BCAS4: variants seen among roughly 807,000 people sequenced by gnomAD.
BCAS4 encodes the protein breast carcinoma-amplified sequence 4.
BCAS4 carries 9 observed loss-of-function variants against 15.7 expected under a neutral mutation model. The observed-to-expected ratio is 0.57, with a 90% CI of 0.34 to 1.00. BCAS4 has a LOEUF of 1.00. BCAS4 is among the 50% of genes least tolerant of loss of function. The pLI is 0.02. For missense variants in BCAS4, 225 were observed against 239.1 expected, an observed-to-expected ratio of 0.94 and a Z score of 0.39; for synonymous variants, 101 against 99.5, an observed-to-expected ratio of 1.02 and a Z score of -0.09.
intron 2 of BCAS4, among the ~76,000 whole-genome samples, chr20:50,829,309 C>T (rs2088315021): frequency 6.6e-6 from 1 of 152,104 alleles, no homozygotes; most frequent in African/African-American, 2.4e-5. Flanking sequence ...ATGGCTTGAT[C>T]TTGGCTCACT....
chr20:50,844,678 G>C (rs914952670), intron 4 of BCAS4, among the ~76,000 whole-genome samples: 3 of 152,144 alleles, frequency 2.0e-5, no homozygotes, highest in Non-Finnish European at 4.4e-5. Context: ...GTCACTACTG[G>C]GTTTGGAATC....
chr20:50,816,099 C>T (rs573839517), intron 1 of BCAS4, among the ~76,000 whole-genome samples: 1 of 152,338 alleles, frequency 6.6e-6, no homozygotes, highest in East Asian at 1.9e-4. Flanking sequence ...AATCTTGGCT[C>T]ACCGCAACCT....
At chr20:50,860,408 T>C (rs1979008641) in intron 4 of BCAS4, among the ~76,000 whole-genome samples, 1 of 152,152 alleles carries the variant, frequency 6.6e-6, no homozygotes, top group Non-Finnish European at 1.5e-5. Flanking sequence ...CCCTAACCCT[T>C]CCTGTCCTCC....
At chr20:50,860,618 A>G (rs8119819) in intron 4 of BCAS4, among the ~76,000 whole-genome samples, 12,097 of 152,220 alleles carry the variant, frequency 0.079, 848 homozygotes, top group East Asian at 0.25. Context: ...GCTCACGCCT[A>G]TAATCCCAGC....
intron 4 of BCAS4, among the ~76,000 whole-genome samples, chr20:50,849,768 T>G (rs1050519334): frequency 5.9e-5 from 9 of 152,204 alleles, no homozygotes; most frequent in East Asian, 1.9e-4. Context: ...TGTTGTTGTT[T>G]TTTGTTTTAT....
intron 1 of BCAS4, among the ~76,000 whole-genome samples, chr20:50,800,713 T>C (rs2087917323): frequency 6.6e-6 from 1 of 151,884 alleles, no homozygotes; most frequent in Non-Finnish European, 1.5e-5. Context: ...AGGTATGCAC[T>C]ACCACGCCCG....
chr20:50,845,087 G>A (rs1331150236), intron 4 of BCAS4, among the ~76,000 whole-genome samples: 3 of 152,056 alleles, frequency 2.0e-5, no homozygotes, highest in South Asian at 2.1e-4. Flanking sequence ...CTCTGTAGTC[G>A]CCTCACACCC....
chr20:50,879,747 T>G (rs1333081945), downstream of BCAS4: 2 of 152,260 alleles, frequency 1.3e-5, no homozygotes, highest in African/African-American at 4.8e-5. Context: ...GCTAGGAGCA[T>G]GGCCCTGAGG....
chr20:50,796,470 TA>T (rs1569013118), intron 1 of BCAS4, among the ~76,000 whole-genome samples: 27 of 12,608 alleles, frequency 2.1e-3, no homozygotes, highest in Admixed American at 3.8e-3. Flanking sequence ...TATATATATA[TA>T]TATATATATA....
rs1978452301 is a variant in BCAS4 at position 50,851,942 on chromosome 20, C to A, written c.399+10042C>A. On this transcript the variant is annotated intron_variant, in intron 4 of 4. Transcript: ENST00000371608. This position sits in a 1 kb window ranked among gnomAD's most constrained non-coding sequence, Gnocchi z 4.3. ...GCATTTTCTCCTGTTGTTCCCCTAG[C>A]CTGAGAGCTGCTCAAGGGTGGGGCC... Among the ~76,000 whole-genome samples, 1 of 152,236 alleles carries A rather than the reference C, an allele frequency of 6.6e-6. No individual in the cohort carries two copies. The highest frequency in any genetic ancestry group is 1.5e-5 in the Non-Finnish European group (1 of 68,046).
chr20:50,819,361 C>T (rs2088184482), intron 2 of BCAS4, among the ~76,000 whole-genome samples: 1 of 152,080 alleles, frequency 6.6e-6, no homozygotes, highest in Non-Finnish European at 1.5e-5. Flanking sequence ...AAGGGTAGAG[C>T]TCCATATTGT....
In BCAS4 at chr20:50,877,092, T is replaced by G; in HGVS notation, c.*484T>G. On this transcript the variant is annotated 3_prime_UTR_variant, in exon 5 of 5. Coordinates refer to ENST00000371608, the MANE Select transcript of BCAS4 (RefSeq NM_198799.4). Reference sequence around the variant, plus strand: ...CACGGGGTGTGCTCTGCCACTGTGGTGGGTGGGTGGATGCTGCTTCTGTTG... The same window carrying G: ...CACGGGGTGTGCTCTGCCACTGTGGGGGGTGGGTGGATGCTGCTTCTGTTG... 1 of 153,898 alleles carries G rather than the reference T, an allele frequency of 6.5e-6. No individual in the cohort carries two copies. Among genetic ancestry groups the G allele is most frequent in the Non-Finnish European group, 1.4e-5 (1 of 69,286 alleles). 9.5% of individuals were successfully genotyped at this position (153,898 alleles called of 1,614,324 possible). A position where few individuals can be genotyped will look rare whatever the true frequency, so the allele number is the denominator to read the frequency against.
chr20:50,846,591 C>T (rs897168851), intron 4 of BCAS4: 6 of 148,976 alleles, frequency 4.0e-5, no homozygotes, highest in South Asian at 2.1e-4. Flanking sequence ...GATCTGGTCA[C>T]GTTCAGTCTC....
intron 4 of BCAS4, among the ~76,000 whole-genome samples, chr20:50,847,421 T>C (rs1568675315): frequency 1.3e-5 from 2 of 152,138 alleles, no homozygotes; most frequent in African/African-American, 4.8e-5. Context: ...AATGGAGTGG[T>C]CCAGGACAGA....
At chr20:50,839,901 T>C (rs2088455883) in intron 3 of BCAS4, among the ~76,000 whole-genome samples, 1 of 152,244 alleles carries the variant, frequency 6.6e-6, no homozygotes, top group Non-Finnish European at 1.5e-5. Flanking sequence ...CAAGTAACTG[T>C]TGAGAGGTAG....
At chr20:50,820,646 G>A (rs773001121) in intron 2 of BCAS4, among the ~76,000 whole-genome samples, 6 of 152,200 alleles carry the variant, frequency 3.9e-5, no homozygotes, top group Non-Finnish European at 5.9e-5. Context: ...GCATCAGCCT[G>A]AAGAGGGCTG....
intron 3 of BCAS4, among the ~76,000 whole-genome samples, chr20:50,831,531 A>G (rs1375775520): frequency 6.6e-6 from 1 of 152,110 alleles, no homozygotes; most frequent in East Asian, 1.9e-4. Context: ...TAGCTCACCC[A>G]TCTTTTACTT....
intron 4 of BCAS4, among the ~76,000 whole-genome samples, chr20:50,844,478 G>A (rs375723023): frequency 6.6e-4 from 101 of 152,226 alleles, no homozygotes; most frequent in African/African-American, 2.4e-3. Flanking sequence ...AAGACACATG[G>A]GGGGCAGAAA....
chr20:50,815,230 G>T (rs2088123573), intron 1 of BCAS4, among the ~76,000 whole-genome samples: 1 of 152,186 alleles, frequency 6.6e-6, no homozygotes, highest in South Asian at 2.1e-4. Context: ...AGCAGGCCAG[G>T]ATGGGTTGCA....
Sources: allele counts gnomAD v4.1 joint callset (sites outside exome capture counted in the v4.1 genomes callset), GRCh38; gene constraint gnomAD v4.1.1; non-coding constraint Gnocchi (gnomAD v3.1); transcripts MANE v1.5; gene names NCBI Gene and HGNC (gene_info 2026-07-23, HGNC 2026-07-21).